Variants in NRG1 observed in about 807,000 individuals in gnomAD.
The protein encoded by NRG1 is neuregulin 1, also known as pro-neuregulin-1, membrane-bound isoform.
NRG1 carries 18 observed loss-of-function variants against 63.8 expected under a neutral mutation model. That is an observed-to-expected ratio of 0.28 (90% CI 0.19 to 0.42). The LOEUF is 0.42. Ranked by LOEUF, NRG1 falls within the 10% of genes least tolerant of loss-of-function variation. The pLI, the probability that NRG1 is intolerant of heterozygous loss-of-function variation, is 1.00. For synonymous variants in NRG1, 302 were observed against 301.3 expected, an observed-to-expected ratio of 1.00 and a Z score of -0.02; for missense variants, 762 against 814.7, an observed-to-expected ratio of 0.94 and a Z score of 0.79.
At chr8:32,215,744 C>T (rs942113237) in intron 1 of NRG1, among the ~76,000 whole-genome samples, 6 of 152,120 alleles carry the variant, frequency 3.9e-5, no homozygotes, top group African/African-American at 9.7e-5. Context: ...GAAGCACCAT[C>T]GAAAACATTG....
At chr8:31,959,852 T>C (rs987338102) in intron 1 of NRG1, among the ~76,000 whole-genome samples, 2 of 147,586 alleles carry the variant, frequency 1.4e-5, no homozygotes, top group African/African-American at 2.5e-5. Flanking sequence ...AGAGATGGAG[T>C]CTCACTATGC....
At chr8:31,741,729 A>G (rs925428656) in intron 1 of NRG1, among the ~76,000 whole-genome samples, 1 of 151,990 alleles carries the variant, frequency 6.6e-6, no homozygotes, top group African/African-American at 2.4e-5. Flanking sequence ...TTTGGGTAGG[A>G]TGAGAAGCAA....
intron 1 of NRG1, among the ~76,000 whole-genome samples, chr8:32,190,785 T>C (rs188546757): frequency 6.6e-6 from 1 of 152,242 alleles, no homozygotes; most frequent in East Asian, 1.9e-4. Flanking sequence ...GAAGGATAGT[T>C]TATTGCTACA....
intron 5 of NRG1, among the ~76,000 whole-genome samples, chr8:32,649,641 C>T (rs917485230): frequency 6.6e-6 from 1 of 152,130 alleles, no homozygotes; most frequent in Non-Finnish European, 1.5e-5. Context: ...TGTAGAAACA[C>T]AGAAAAACTT....
chr8:32,570,454 C>G (rs930102960), intron 1 of NRG1, among the ~76,000 whole-genome samples: 1 of 152,084 alleles, frequency 6.6e-6, no homozygotes, highest in Non-Finnish European at 1.5e-5. Flanking sequence ...TTAAATAAAA[C>G]TCTGACTTAT....
chr8:32,696,554 T>A (rs1813339209), intron 5 of NRG1, among the ~76,000 whole-genome samples: 1 of 152,118 alleles, frequency 6.6e-6, no homozygotes, highest in Admixed American at 6.6e-5. Flanking sequence ...TTTTTACCAC[T>A]TTTGCCTGCC....
chr8:32,463,053 A>C, intron 1 of NRG1, among the ~76,000 whole-genome samples: 1 of 150,774 alleles, frequency 6.6e-6, no homozygotes, highest in Non-Finnish European at 1.5e-5. Context: ...TGTAAGTAAG[A>C]TCGTGCAGTA....
At chr8:32,434,525 A>T (rs189010465) in intron 1 of NRG1, among the ~76,000 whole-genome samples, 16 of 152,278 alleles carry the variant, frequency 1.1e-4, no homozygotes, top group Non-Finnish European at 4.4e-5. Context: ...AATGCCCCAG[A>T]AGCCCAGATC....
At position 31,799,733 on chromosome 8, in the gene NRG1, T is replaced by A. The variant is rs545813910; in HGVS notation, c.37+160302T>A. Among the ~76,000 whole-genome samples the A allele has an allele frequency of 2.0e-5, 3 of 152,254 alleles. No individual in the cohort carries two copies. The East Asian group carries it at 5.8e-4, about 29-fold the overall frequency. ...GCCTGTTTTTTTGTGTATGCATAGA[T>A]ATATGTACGCCTGTATATATACACG... On this transcript the variant is annotated intron_variant, in intron 1 of 10. Coordinates refer to the NRG1 transcript ENST00000519301.
intron 1 of NRG1, among the ~76,000 whole-genome samples, chr8:32,579,195 C>CTTTTTTTTTTTTTTTTTT: frequency 1.9e-5 from 2 of 105,440 alleles, no homozygotes; most frequent in Admixed American, 1.1e-4. Flanking sequence ...TTTCTTCTGT[C>CTTTTTTTTTTTTTTTTTT]TTTTTTTTTT....
chr8:32,746,580 A>C (rs1564093705), intron 7 of NRG1, among the ~76,000 whole-genome samples: 1 of 152,188 alleles, frequency 6.6e-6, no homozygotes, highest in Non-Finnish European at 1.5e-5. Flanking sequence ...CCTAAGACAA[A>C]GGATTCGTGA....
At chr8:31,681,214 A>G (rs905302787) in intron 1 of NRG1, among the ~76,000 whole-genome samples, 1 of 152,164 alleles carries the variant, frequency 6.6e-6, no homozygotes, top group Non-Finnish European at 1.5e-5. Flanking sequence ...ATATATAAGA[A>G]GATAGCTTTA....
At chr8:32,230,649 C>T (rs1056237082) in intron 1 of NRG1, among the ~76,000 whole-genome samples, 3 of 151,942 alleles carry the variant, frequency 2.0e-5, no homozygotes, top group South Asian at 4.1e-4. Flanking sequence ...CCTGGAGTCA[C>T]GTCATTGCAG....
intron 1 of NRG1, among the ~76,000 whole-genome samples, chr8:31,825,018 TAAAA>T (rs970141283): frequency 5.9e-5 from 9 of 152,304 alleles, no homozygotes; most frequent in Non-Finnish European, 1.2e-4. Context: ...GGCATGCAGG[TAAAA>T]AAATCGCCTC....
chr8:32,683,800 C>G (rs950833043), intron 5 of NRG1, among the ~76,000 whole-genome samples: 1 of 151,512 alleles, frequency 6.6e-6, no homozygotes, highest in African/African-American at 2.4e-5. Context: ...TTGTCATTGT[C>G]TCCTGCTGAC....
rs562626894 is a variant in NRG1, at chr8:31,953,379, G to A, written c.37+313948G>A. ...TAAAATTATTTTAACTTTGTGGAAT[G>A]TTTGAAATTTTTACAATATGTTTGG... is the stretch of plus-strand genomic sequence containing the variant. On this transcript the variant is annotated intron_variant, in intron 1 of 10. Coordinates refer to the NRG1 transcript ENST00000519301. Among the ~76,000 whole-genome samples, 33 of 152,334 alleles carry A rather than the reference G, an allele frequency of 2.2e-4. 1 individual carries two copies. In the South Asian group the frequency reaches 5.6e-3, roughly 26 times the overall value.
At position 32,752,915 on chromosome 8, in the gene NRG1, C is replaced by T. The variant is rs530794992; in HGVS notation, c.692-1457C>T. 3.9e-5 allele frequency among the ~76,000 whole-genome samples: 6 copies of T among 152,240 alleles called. No homozygotes were observed. In the South Asian group the frequency reaches 6.2e-4, roughly 16 times the overall value. ...TACTGGAATTTGATTATCATGGGCTCGGCTTGTAGGAAATGTTTTGTTTCA... is the reference window on the plus strand; with the variant it reads ...TACTGGAATTTGATTATCATGGGCTTGGCTTGTAGGAAATGTTTTGTTTCA... On this transcript the variant is annotated intron_variant, in intron 7 of 11. Transcript: ENST00000356819.
intron 8 of NRG1, 95 bp from the exon 9 acceptor site, chr8:32,756,308 T>G: frequency 7.0e-5 from 100 of 1,424,130 alleles, no homozygotes; most frequent in African/African-American, 1.0e-4. Flanking sequence ...TCTACTGCCT[T>G]GAACTACTCA....
intron 1 of NRG1, among the ~76,000 whole-genome samples, chr8:32,347,265 C>T (rs144372791): frequency 1.4e-5 from 2 of 144,816 alleles, no homozygotes; most frequent in East Asian, 3.9e-4. Flanking sequence ...TTATATCTAA[C>T]TCTATTTTTG....
Sources: gnomAD v4.1 joint callset for allele counts (sites outside exome capture counted in the v4.1 genomes callset) on GRCh38, gnomAD v4.1.1 for gene constraint, MANE v1.5 for transcripts, NCBI Gene and HGNC (gene_info 2026-07-23, HGNC 2026-07-21) for gene names.